The following LOC400499 variants were observed in gnomAD, a reference collection of about 807,000 sequenced individuals.
At chr16:11,519,857 C>T in the LOC400499 span, among the ~76,000 whole-genome samples, 2 of 152,082 alleles carry the variant, frequency 1.3e-5, no homozygotes, top group South Asian at 4.2e-4. Context: ...AGGCATGCAC[C>T]ACCACGCCCA....
the LOC400499 span, chr16:11,462,456 G>A: frequency 3.0e-6 from 3 of 984,462 alleles, no homozygotes; most frequent in Non-Finnish European, 2.4e-6. Context: ...TTGAGACAGA[G>A]TCTCACTTTG....
chr16:11,386,132 C>T, the LOC400499 span, among the ~76,000 whole-genome samples: 2 of 152,340 alleles, frequency 1.3e-5, no homozygotes, highest in South Asian at 2.1e-4. Flanking sequence ...GGATAGCCAA[C>T]AGGTCCCTCA....
At chr16:11,515,914 TAGCCCAGC>T in the LOC400499 span, 1 of 207,480 alleles carries the variant, frequency 4.8e-6, no homozygotes, top group Non-Finnish European at 7.9e-6. Context: ...CAGCCCAGCC[TAGCCCAGC>T]ACTTACAGCC....
the LOC400499 span, among the ~76,000 whole-genome samples, chr16:11,427,752 T>C: frequency 3.3e-5 from 5 of 152,168 alleles, no homozygotes; most frequent in African/African-American, 1.2e-4. Flanking sequence ...AGCTGAGATG[T>C]GCACATTTCT....
chr16:11,398,497 A>G, the LOC400499 span: 6 of 1,232,208 alleles, frequency 4.9e-6, no homozygotes, highest in Non-Finnish European at 6.1e-6. Context: ...TCTGGCTGAG[A>G]TGGCCAATGC....
the LOC400499 span, chr16:11,450,473 G>T: frequency 1.3e-6 from 1 of 760,896 alleles, no homozygotes; most frequent in Non-Finnish European, 2.1e-6. Context: ...ATAGTTGCAG[G>T]CACTGGGAGG....
the LOC400499 span, chr16:11,470,567 T>C: frequency 0.37 from 55,568 of 152,022 alleles, 11,022 homozygotes; most frequent in African/African-American, 0.49. Flanking sequence ...CAGCCACAAG[T>C]CCCGTTCGGA....
the LOC400499 span, among the ~76,000 whole-genome samples, chr16:11,469,918 T>G: frequency 6.6e-6 from 1 of 152,082 alleles, no homozygotes; most frequent in Admixed American, 6.5e-5. Flanking sequence ...CTTTTTTGTT[T>G]TGAGACCGAG....
At chr16:11,386,520 C>T in the LOC400499 span, among the ~76,000 whole-genome samples, 1 of 152,228 alleles carries the variant, frequency 6.6e-6, no homozygotes, top group African/African-American at 2.4e-5. Flanking sequence ...ACATAAAGCA[C>T]TCCTTGCCAA....
chr16:11,426,367 T>C, the LOC400499 span, among the ~76,000 whole-genome samples: 2 of 151,700 alleles, frequency 1.3e-5, no homozygotes, highest in African/African-American at 4.8e-5. Flanking sequence ...AACTGGGAGG[T>C]GGAGGTTGCA....
chr16:11,469,105 G>C, the LOC400499 span: 1 of 399,192 alleles, frequency 2.5e-6, no homozygotes, highest in Non-Finnish European at 4.4e-6. Flanking sequence ...CAGGGCTCTG[G>C]TACGGGGGAA....
At chr16:11,430,836 G>C in the LOC400499 span, among the ~76,000 whole-genome samples, 61 of 152,278 alleles carry the variant, frequency 4.0e-4, no homozygotes, top group South Asian at 1.0e-3. Flanking sequence ...TCAGTTTTTA[G>C]TGAGCAGATT....
chr16:11,509,785 C>T, the LOC400499 span, among the ~76,000 whole-genome samples: 4 of 152,202 alleles, frequency 2.6e-5, no homozygotes, highest in South Asian at 8.3e-4. Context: ...GAGCTGAGAT[C>T]ACTCCACTGC....
the LOC400499 span, among the ~76,000 whole-genome samples, chr16:11,374,766 C>T: frequency 2.6e-5 from 4 of 152,184 alleles, no homozygotes; most frequent in Non-Finnish European, 5.9e-5. Flanking sequence ...GTGAATAATG[C>T]TGCTATGAAC....
chr16:11,385,301 G>C, the LOC400499 span: 12 of 1,232,320 alleles, frequency 9.7e-6, no homozygotes, highest in Non-Finnish European at 1.2e-5. Flanking sequence ...GCGTCAGCGA[G>C]AATGTGTTGT....
chr16:11,393,850 G>A, the LOC400499 span, among the ~76,000 whole-genome samples: 1 of 152,192 alleles, frequency 6.6e-6, no homozygotes, highest in Non-Finnish European at 1.5e-5. Context: ...GGCCAAGACG[G>A]GTGGATCGCT....
the LOC400499 span, among the ~76,000 whole-genome samples, chr16:11,420,597 A>ACCCC: frequency 2.2e-5 from 2 of 91,970 alleles, no homozygotes; most frequent in African/African-American, 1.1e-4. Flanking sequence ...ATAATAATAA[A>ACCCC]CCCCCCCCCC....
chr16:11,516,545 T>A, the LOC400499 span, among the ~76,000 whole-genome samples: 1 of 152,180 alleles, frequency 6.6e-6, no homozygotes, highest in Non-Finnish European at 1.5e-5. Context: ...GACAGGTGTG[T>A]GAGACAAGTG....
chr16:11,446,846 G>A, the LOC400499 span: 51 of 1,536,048 alleles, frequency 3.3e-5, no homozygotes, highest in East Asian at 4.9e-5. Context: ...CGCTGGTGTC[G>A]CCTATCAGCT....
Sources: gnomAD v4.1 joint callset for allele counts (sites outside exome capture counted in the v4.1 genomes callset) on GRCh38, gnomAD v4.1.1 for gene constraint, MANE v1.5 for transcripts.